Variants in ZC3H7A observed in about 807,000 individuals in gnomAD.
The protein encoded by ZC3H7A is zinc finger CCCH domain-containing protein 7A.
ZC3H7A carries 44 observed loss-of-function variants against 125.5 expected under a neutral mutation model. The ratio of observed to expected loss-of-function variants is 0.35; its 90% CI spans 0.28 to 0.45. ZC3H7A has a LOEUF of 0.45. Among genes scored for constraint, ZC3H7A ranks in the 20% least tolerant of loss-of-function variants. The probability of loss-of-function intolerance (pLI) is 1.00; values close to 1 mark genes in which losing one functional copy is unlikely to be tolerated. For missense variants in ZC3H7A, 977 were observed against 1,170.7 expected (o/e 0.83, Z 2.41); for synonymous variants, 399 against 391.2 (o/e 1.02, Z -0.23).
Position 11,765,770 on chromosome 16 carries a change from T to A in ZC3H7A, c.1523-85A>T. 7.3e-7 allele frequency: 1 copy of A among 1,378,356 alleles called. No homozygotes were observed. 85.4% of individuals were successfully genotyped at this position (1,378,356 alleles called of 1,614,324 possible). On this transcript the variant is annotated intron_variant, in intron 13 of 22. Transcript: ENST00000355758. The surrounding 1 kb of genome is among the most constrained non-coding windows in gnomAD (Gnocchi z 4.8). ...TACTTGGGAGGCTGAGGTGGGAGGATCCCTTGAGCCCAGGAGTTCAAGGCT... is the reference window on the plus strand; with the variant it reads ...TACTTGGGAGGCTGAGGTGGGAGGAACCCTTGAGCCCAGGAGTTCAAGGCT...
chr16:11,793,974 G>A (rs561359956), intron 1 of ZC3H7A, among the ~76,000 whole-genome samples: 52 of 152,292 alleles, frequency 3.4e-4, no homozygotes, highest in Non-Finnish European at 6.8e-4. Flanking sequence ...AGTCTGTGAA[G>A]AGCCTGAAGA....
At chr16:11,753,494 T>C (rs1043740173) in intron 21 of ZC3H7A, among the ~76,000 whole-genome samples, 1 of 152,032 alleles carries the variant, frequency 6.6e-6, no homozygotes, top group African/African-American at 2.4e-5. Context: ...CAGGCTAGAG[T>C]ATGGTGGTGC....
intron 7 of ZC3H7A, chr16:11,775,690 CTT>C (rs907292349): frequency 3.9e-5 from 6 of 152,120 alleles, no homozygotes; most frequent in Admixed American, 1.3e-4. Context: ...AAAAAAAACC[CTT>C]TGTTAATTTT....
intron 21 of ZC3H7A, among the ~76,000 whole-genome samples, chr16:11,755,486 C>T (rs2052627850): frequency 6.6e-6 from 1 of 152,008 alleles, no homozygotes; most frequent in Non-Finnish European, 1.5e-5. Flanking sequence ...ACTTAATGTC[C>T]CCAAGAACCA....
At chr16:11,784,371 T>G (rs1356806965) in intron 1 of ZC3H7A, among the ~76,000 whole-genome samples, 1 of 151,950 alleles carries the variant, frequency 6.6e-6, no homozygotes, top group African/African-American at 2.4e-5. Flanking sequence ...TTCTAAAAAT[T>G]TATATGTACA....
chr16:11,775,372 GAAAAAAAA>G (rs749691344), intron 7 of ZC3H7A, among the ~76,000 whole-genome samples: 4 of 127,004 alleles, frequency 3.1e-5, no homozygotes, highest in African/African-American at 1.2e-4. Flanking sequence ...CTCTGTCTTG[GAAAAAAAA>G]AAAAAAGAAA....
chr16:11,771,048 A>G lies in ZC3H7A; in HGVS notation c.904-61T>C, dbSNP rs1462221677. The stretch of plus-strand genomic sequence containing the variant: ...AAGCTGTCATGGGTTTGGCTGAACT[A>G]CTTTCAACACCAGCAAATAAAAGCA... On this transcript the variant is annotated intron_variant, in intron 9 of 22. Coordinates refer to ENST00000355758, the MANE Select transcript of ZC3H7A (RefSeq NM_014153.4). 2.3e-5 allele frequency: 34 copies of G among 1,449,682 alleles called. No homozygotes were observed. In the Admixed American group the frequency reaches 6.2e-4, roughly 26 times the overall value. 89.8% of individuals were successfully genotyped at this position (1,449,682 alleles called of 1,614,324 possible).
intron 13 of ZC3H7A, among the ~76,000 whole-genome samples, chr16:11,766,133 T>A (rs1009591721): frequency 5.3e-5 from 8 of 151,972 alleles, no homozygotes; most frequent in African/African-American, 1.9e-4. Context: ...CATTCTAAGC[T>A]CATTCACACA....
At chr16:11,770,680 T>C in intron 10 of ZC3H7A, 103 bp downstream of exon 10, 2 of 1,079,526 alleles carry the variant, frequency 1.9e-6, no homozygotes, top group Non-Finnish European at 2.6e-6. Context: ...AAGAAAATAA[T>C]TCACATGTCT....
intron 21 of ZC3H7A, among the ~76,000 whole-genome samples, chr16:11,754,309 G>GAA (rs2052600383): frequency 1.3e-5 from 1 of 75,916 alleles, no homozygotes; most frequent in Admixed American, 1.4e-4. Context: ...AAAAAAAAAA[G>GAA]GAAGAAAAAA....
In ZC3H7A at chr16:11,763,630, G is replaced by A. The variant is rs1261680602; in HGVS notation, c.1850C>T (p.Thr617Ile). The change falls in exon 16 of 23, where the codon ACA becomes ATA. Residue 617 changes from threonine (T) to isoleucine (I), a missense_variant. Around this residue, in one of 3 missense-constraint regions of ZC3H7A, gnomAD observed 436 missense variants for 603.2 expected, o/e 0.72. Coordinates refer to ENST00000355758, the MANE Select transcript of ZC3H7A (RefSeq NM_014153.4). ...KCLVHILRET[T>I]VKYSKIRSFH... ...AGAACGTATTTTGGAGTATTTTACT[G>A]TTGTCTCTCGCAAAATGTGGACAAG... The A allele has an allele frequency of 6.3e-7, 1 of 1,590,688 alleles. No individual in the cohort carries two copies. Among genetic ancestry groups the A allele is most frequent in the Non-Finnish European group, 8.6e-7 (1 of 1,167,162 alleles).
At chr16:11,786,923 T>G (rs2053265080) in intron 1 of ZC3H7A, among the ~76,000 whole-genome samples, 1 of 152,234 alleles carries the variant, frequency 6.6e-6, no homozygotes, top group Admixed American at 6.5e-5. Flanking sequence ...TGCAGATACC[T>G]AAACATCTCA....
intron 9 of ZC3H7A, among the ~76,000 whole-genome samples, chr16:11,772,502 T>C (rs2053002930): frequency 6.6e-6 from 1 of 151,672 alleles, no homozygotes; most frequent in Non-Finnish European, 1.5e-5. Flanking sequence ...ATGAGGAAAA[T>C]GATGCACTAT....
intron 12 of ZC3H7A, 148 bp downstream of exon 12, chr16:11,768,167 T>G: frequency 1.4e-6 from 1 of 706,116 alleles, no homozygotes; most frequent in Non-Finnish European, 2.1e-6. Flanking sequence ...ACTAAATCAG[T>G]AACTGCTACT....
rs370086885 is a variant in ZC3H7A at position 11,763,461 on chromosome 16, G to T, written c.2002+17C>A. On this transcript the variant is annotated intron_variant, in intron 16 of 22. Transcript: ENST00000355758. ...TGCTCTTGAGGAGACATACTTCTCA[G>T]TCGCACTCAAACCTACCTGTTTCAT... 6.9e-6 allele frequency: 11 copies of T among 1,587,338 alleles called. No homozygotes were observed. The African/African-American group carries it at 1.4e-4, about 20-fold the overall frequency.
chr16:11,789,551 G>T (rs2053316173), intron 1 of ZC3H7A, among the ~76,000 whole-genome samples: 1 of 152,134 alleles, frequency 6.6e-6, no homozygotes, highest in Non-Finnish European at 1.5e-5. Context: ...ACTGCGCCCG[G>T]CCGTGCATAT....
chr16:11,789,099 A>C (rs895182242), intron 1 of ZC3H7A, among the ~76,000 whole-genome samples: 1 of 152,134 alleles, frequency 6.6e-6, no homozygotes, highest in Non-Finnish European at 1.5e-5. Context: ...GTATTATACT[A>C]ATGTCAATTT....
At chr16:11,764,596 T>C (rs1030448839) in intron 15 of ZC3H7A, among the ~76,000 whole-genome samples, 1 of 151,320 alleles carries the variant, frequency 6.6e-6, no homozygotes, top group African/African-American at 2.4e-5. Context: ...GTGGTGGGTG[T>C]CTGTAATCCC....
At chr16:11,793,603 A>G (rs2053387163) in intron 1 of ZC3H7A, among the ~76,000 whole-genome samples, 1 of 152,182 alleles carries the variant, frequency 6.6e-6, no homozygotes, top group South Asian at 2.1e-4. Context: ...CCCAGACTGA[A>G]GCCTGTGTAA....
Sources: allele counts gnomAD v4.1 joint callset (sites outside exome capture counted in the v4.1 genomes callset), GRCh38; gene constraint gnomAD v4.1.1; regional missense constraint gnomAD v4.1.1; non-coding constraint Gnocchi (gnomAD v3.1); transcripts MANE v1.5; gene names NCBI Gene and HGNC (gene_info 2026-07-23, HGNC 2026-07-21).